INPP4B: variants seen among roughly 807,000 people sequenced by gnomAD.
INPP4B encodes inositol polyphosphate-4-phosphatase type II B.
In INPP4B, 55 loss-of-function variants were observed where a neutral mutation model predicts 122.5. The observed-to-expected ratio is 0.45, with a 90% CI of 0.36 to 0.56. The LOEUF (loss-of-function observed/expected upper bound fraction) is 0.56. Among genes scored for constraint, INPP4B ranks in the 20% least tolerant of loss-of-function variants. The pLI, the probability that INPP4B is intolerant of heterozygous loss-of-function variation, is 0.00. For missense variants in INPP4B, 1,000 were observed against 1,097.7 expected (o/e 0.91, Z 1.26); for synonymous variants, 403 against 388.7 (o/e 1.04, Z -0.43).
At position 142,186,879 on chromosome 4, in the gene INPP4B, A is replaced by G. The variant is rs1462629672; in HGVS notation, c.1181+6208T>C. Reference sequence around the variant, plus strand: ...GGCCTCATTATTTACTTCATACAGTATGTTCAAGCCTCAGCATGACTACTT... The same window carrying G: ...GGCCTCATTATTTACTTCATACAGTGTGTTCAAGCCTCAGCATGACTACTT... On this transcript the variant is annotated intron_variant, in intron 15 of 25. Coordinates refer to ENST00000262992, the MANE Select transcript of INPP4B (RefSeq NM_001101669.3). Among the ~76,000 whole-genome samples, 3 of 152,206 alleles carry G rather than the reference A, an allele frequency of 2.0e-5. No homozygotes were observed. In the East Asian group the frequency reaches 5.8e-4, roughly 29 times the overall value.
At chr4:142,261,223 A>G (rs185154435) in intron 10 of INPP4B, among the ~76,000 whole-genome samples, 2 of 152,332 alleles carry the variant, frequency 1.3e-5, no homozygotes, top group East Asian at 3.9e-4. Flanking sequence ...GAGAATGTCC[A>G]AAACAATTCC....
At chr4:142,521,984 C>A (rs1826139038) in intron 2 of INPP4B, among the ~76,000 whole-genome samples, 1 of 152,044 alleles carries the variant, frequency 6.6e-6, no homozygotes, top group Admixed American at 6.6e-5. Flanking sequence ...CATTCTTCAT[C>A]CTAATATCTG....
intron 2 of INPP4B, among the ~76,000 whole-genome samples, chr4:142,654,158 G>A (rs1295006653): frequency 6.6e-6 from 1 of 151,944 alleles, no homozygotes; most frequent in Non-Finnish European, 1.5e-5. Flanking sequence ...CTCACAGGTG[G>A]GAATTGAACA....
chr4:142,338,485 G>A lies in INPP4B; in HGVS notation c.373-23723C>T, dbSNP rs148743261. On this transcript the variant is annotated intron_variant, in intron 7 of 25. Transcript: ENST00000262992. Reference sequence around the variant, plus strand: ...GATCTCCTGACCTCGTGATCTGCCCGCCTCGGCCTCCCAAAGTGCTGGGAT... The same window carrying A: ...GATCTCCTGACCTCGTGATCTGCCCACCTCGGCCTCCCAAAGTGCTGGGAT... Among the ~76,000 whole-genome samples the A allele has an allele frequency of 2.1e-3, 324 of 152,142 alleles. 2 individuals are homozygous for A. Among genetic ancestry groups the A allele is most frequent in the African/African-American group, 7.1e-3 (295 of 41,516 alleles).
chr4:142,171,921 A>G (rs1189470796), intron 16 of INPP4B, among the ~76,000 whole-genome samples: 5 of 151,818 alleles, frequency 3.3e-5, no homozygotes, highest in African/African-American at 9.7e-5. Flanking sequence ...GAATATAAAT[A>G]CTGCTCTGTA....
chr4:142,395,831 G>A (rs1799184922), intron 7 of INPP4B, among the ~76,000 whole-genome samples: 1 of 152,116 alleles, frequency 6.6e-6, no homozygotes. Flanking sequence ...AATTATAGGA[G>A]GAAGTATCTA....
intron 2 of INPP4B, among the ~76,000 whole-genome samples, chr4:142,709,947 C>T (rs964407645): frequency 1.8e-4 from 28 of 152,240 alleles, no homozygotes; most frequent in Middle Eastern, 3.4e-3. Flanking sequence ...TATTGGCGTA[C>T]GCAAGTTTTC....
At chr4:142,128,738 G>A (rs896356872) in intron 18 of INPP4B, among the ~76,000 whole-genome samples, 1 of 152,118 alleles carries the variant, frequency 6.6e-6, no homozygotes, top group African/African-American at 2.4e-5. Flanking sequence ...GCATATTCAA[G>A]GGAAGCTCAC....
intron 18 of INPP4B, among the ~76,000 whole-genome samples, chr4:142,135,836 G>A (rs1031874945): frequency 5.9e-5 from 9 of 151,946 alleles, no homozygotes; most frequent in East Asian, 5.8e-4. Flanking sequence ...TTGCTCTGTC[G>A]CCCAGGCTGG....
At chr4:142,387,815 C>A (rs889763233) in intron 7 of INPP4B, among the ~76,000 whole-genome samples, 1 of 152,022 alleles carries the variant, frequency 6.6e-6, no homozygotes, top group Non-Finnish European at 1.5e-5. Flanking sequence ...CAGAGGGGTA[C>A]CTTAGGATAG....
At chr4:142,199,279 T>G (rs1839697817) in intron 14 of INPP4B, among the ~76,000 whole-genome samples, 1 of 152,022 alleles carries the variant, frequency 6.6e-6, no homozygotes, top group African/African-American at 2.4e-5. Flanking sequence ...GAATTAATAT[T>G]CTTAACTGAG....
At chr4:142,524,102 G>A (rs1368493855) in intron 2 of INPP4B, among the ~76,000 whole-genome samples, 1 of 151,638 alleles carries the variant, frequency 6.6e-6, no homozygotes, top group East Asian at 1.9e-4. Flanking sequence ...ATTGTGAATA[G>A]TGCCGCAATA....
At chr4:142,323,609 C>T (rs1247677759) in intron 7 of INPP4B, among the ~76,000 whole-genome samples, 1 of 151,982 alleles carries the variant, frequency 6.6e-6, no homozygotes, top group Non-Finnish European at 1.5e-5. Context: ...CCACGCCTGG[C>T]TAATTTTTTG....
At chr4:142,254,854 T>C (rs375881701) in intron 11 of INPP4B, among the ~76,000 whole-genome samples, 2 of 151,476 alleles carry the variant, frequency 1.3e-5, no homozygotes, top group East Asian at 1.9e-4. Flanking sequence ...ATACAGAGAA[T>C]GCCACAAAGA....
At chr4:142,836,492 G>A (rs1371032306) in intron 1 of INPP4B, among the ~76,000 whole-genome samples, 2 of 152,000 alleles carry the variant, frequency 1.3e-5, no homozygotes, top group East Asian at 3.9e-4. Context: ...GCACAAACAA[G>A]TGGGAAATAG....
At chr4:142,092,946 C>T (rs999471380) in intron 23 of INPP4B, among the ~76,000 whole-genome samples, 2 of 152,112 alleles carry the variant, frequency 1.3e-5, no homozygotes, top group Non-Finnish European at 2.9e-5. Flanking sequence ...ATGTATGTCT[C>T]CTCAGGTTGA....
chr4:142,077,554 TAAGTTTGATTAATAGG>T (rs1475525293), intron 25 of INPP4B, among the ~76,000 whole-genome samples: 2 of 152,088 alleles, frequency 1.3e-5, no homozygotes, highest in East Asian at 3.9e-4. Flanking sequence ...TAATCAAATA[TAAGTTTGATTAATAGG>T]AAGTCTGAAA....
chr4:142,362,158 TGA>T (rs1785651802), intron 7 of INPP4B, among the ~76,000 whole-genome samples: 1 of 152,010 alleles, frequency 6.6e-6, no homozygotes. Flanking sequence ...AAAACTCTCA[TGA>T]GGGTGCGTGG....
At chr4:142,117,676 T>A (rs1794351896) in intron 21 of INPP4B, among the ~76,000 whole-genome samples, 1 of 151,956 alleles carries the variant, frequency 6.6e-6, no homozygotes, top group Admixed American at 6.6e-5. Context: ...AATAATAAGA[T>A]CTATCTATGA....
Sources: gnomAD v4.1 joint callset for allele counts (sites outside exome capture counted in the v4.1 genomes callset) on GRCh38, gnomAD v4.1.1 for gene constraint, MANE v1.5 for transcripts, NCBI Gene and HGNC (gene_info 2026-07-23, HGNC 2026-07-21) for gene names.